STAB2: variants seen among roughly 807,000 people sequenced by gnomAD.
STAB2 encodes the protein stabilin 2.
STAB2 carries 288 observed loss-of-function variants against 338.1 expected under a neutral mutation model. The observed-to-expected ratio is 0.85, with a 90% CI of 0.77 to 0.94. STAB2 has a LOEUF of 0.94. STAB2 is among the 40% of genes least tolerant of loss of function. The probability of loss-of-function intolerance (pLI) is 0.00; values close to 1 mark genes in which losing one functional copy is unlikely to be tolerated. For synonymous variants in STAB2, 1,202 were observed against 1,193.3 expected (o/e 1.01, Z -0.15); for missense variants, 3,141 against 3,210.1 (o/e 0.98, Z 0.52).
chr12:103,588,771 G>A (rs538263829), intron 1 of STAB2, among the ~76,000 whole-genome samples: 1 of 152,258 alleles, frequency 6.6e-6, no homozygotes, highest in South Asian at 2.1e-4. Flanking sequence ...AAACCCTCAT[G>A]TAAAGAAAAG....
chr12:103,733,192 T>G lies in STAB2; in HGVS notation c.5460+10T>G. 1 of 1,613,278 alleles carries G rather than the reference T, an allele frequency of 6.2e-7. No individual in the cohort carries two copies. Among genetic ancestry groups the G allele is most frequent in the Non-Finnish European group, 8.5e-7 (1 of 1,179,532 alleles). On this transcript the variant is annotated intron_variant, in intron 51 of 68. Coordinates refer to ENST00000388887, the MANE Select transcript of STAB2 (RefSeq NM_017564.10). Reference sequence around the variant, plus strand: ...GATACGAGATGCCAAGGTATTTAGTTTACATGCAGACATAAGTGCAAGAAT... The same window carrying G: ...GATACGAGATGCCAAGGTATTTAGTGTACATGCAGACATAAGTGCAAGAAT...
intron 52 of STAB2, among the ~76,000 whole-genome samples, chr12:103,736,685 C>A (rs1169322388): frequency 6.6e-6 from 1 of 151,962 alleles, no homozygotes; most frequent in Admixed American, 6.6e-5. Flanking sequence ...ACTCTATTTA[C>A]CTGGTGAAAA....
At chr12:103,652,783 G>T in intron 12 of STAB2, 78 bp downstream of exon 12, 1 of 1,407,550 alleles carries the variant, frequency 7.1e-7, no homozygotes, top group Non-Finnish European at 9.3e-7. Context: ...CTCTCTTTTT[G>T]TTTGGGGTTT....
intron 24 of STAB2, among the ~76,000 whole-genome samples, chr12:103,676,894 A>C (rs1876426499): frequency 1.3e-5 from 2 of 152,128 alleles, no homozygotes; most frequent in Non-Finnish European, 2.9e-5. Flanking sequence ...TCTAGATGAA[A>C]CCACCTGACC....
chr12:103,612,352 A>G (rs928270425), intron 3 of STAB2, among the ~76,000 whole-genome samples: 3 of 152,214 alleles, frequency 2.0e-5, no homozygotes, highest in African/African-American at 7.2e-5. Flanking sequence ...CTTTTCACAT[A>G]GTCCCATATT....
Position 103,715,864 on chromosome 12 carries a change from G to T in STAB2, c.4587G>T (p.Glu1529Asp), listed in dbSNP as rs370232499. The T allele has an allele frequency of 1.2e-6, 2 of 1,613,978 alleles. No homozygotes were observed. The highest frequency in any genetic ancestry group is 1.7e-6 in the Non-Finnish European group (2 of 1,179,974). The change falls in exon 43 of 69, where the codon GAG becomes GAT. Residue 1529 changes from glutamate (E) to aspartate (D), a missense_variant. Transcript: ENST00000388887. The stretch of plus-strand genomic sequence containing the variant: ...ATGGTGGCTGTGACAAGAATGCGGA[G>T]TGCACACAGACAGGACCCAACCAGG... ...ENHGGCDKNA[E>D]CTQTGPNQAA...
rs1387431430 is a variant in STAB2 at position 103,676,148 on chromosome 12, G to A, written c.2646+127G>A. 15 of 559,722 alleles carry A rather than the reference G, an allele frequency of 2.7e-5. No individual in the cohort carries two copies. The South Asian group carries it at 2.7e-4, about 10-fold the overall frequency. 34.7% of individuals were successfully genotyped at this position (559,722 alleles called of 1,614,324 possible). Reference sequence around the variant, plus strand: ...ACAATCTTGGCTCACTGCAACATCCGCCTCCCGGATTCAAGCGATTCTCCT... The same window carrying A: ...ACAATCTTGGCTCACTGCAACATCCACCTCCCGGATTCAAGCGATTCTCCT... On this transcript the variant is annotated intron_variant, in intron 24 of 68. Transcript: ENST00000388887.
At chr12:103,640,339 G>A (rs1872829036) in intron 9 of STAB2, 83 bp downstream of exon 9, 2 of 1,541,688 alleles carry the variant, frequency 1.3e-6, no homozygotes, top group Admixed American at 1.8e-5. Context: ...TTGAAGGGGA[G>A]GAAATGTGTC....
At chr12:103,652,861 G>A (rs1050708156) in intron 12 of STAB2, among the ~76,000 whole-genome samples, 156 bp downstream of exon 12, 1 of 152,192 alleles carries the variant, frequency 6.6e-6, no homozygotes, top group Non-Finnish European at 1.5e-5. Context: ...GGAAGAAACA[G>A]ACAGCAACAC....
At position 103,740,742 on chromosome 12, in the gene STAB2, G is replaced by A; in HGVS notation, c.5867G>A (p.Gly1956Glu). 1 of 1,586,834 alleles carries A rather than the reference G, an allele frequency of 6.3e-7. No homozygotes were observed. Among genetic ancestry groups the A allele is most frequent in the East Asian group, 2.3e-5 (1 of 43,420 alleles). ...CCCAGGTGCTGCAAGGGCTACTTCG[G>A]GCGAGACTGTCAGGGTGAGGGTGCC... ...QIPRCCKGYF[G>E]RDCQACPGGP... is the part of the protein sequence containing the mutation. The change falls in exon 55 of 69, where the codon GGG becomes GAG. Residue 1956 changes from glycine to glutamate, a missense_variant. Gly to Glu is a moderately conservative substitution (Grantham distance 98). Coordinates refer to ENST00000388887, the MANE Select transcript of STAB2 (RefSeq NM_017564.10).
At chr12:103,705,586 AC>A in intron 36 of STAB2, 45 bp from the exon 37 acceptor site, 1 of 1,580,930 alleles carries the variant, frequency 6.3e-7, no homozygotes, top group Non-Finnish European at 8.7e-7. Flanking sequence ...AGACTGGAAA[AC>A]TTTTTCCTAA....
intron 3 of STAB2, among the ~76,000 whole-genome samples, chr12:103,612,316 G>A (rs1265986102): frequency 6.6e-6 from 1 of 152,176 alleles, no homozygotes; most frequent in East Asian, 1.9e-4. Context: ...TCACTTTCAG[G>A]TACACCAATC....
At chr12:103,676,315 C>G (rs1053178461) in intron 24 of STAB2, among the ~76,000 whole-genome samples, 1 of 151,806 alleles carries the variant, frequency 6.6e-6, no homozygotes, top group African/African-American at 2.4e-5. Flanking sequence ...CCTTGGCCTC[C>G]CAAAGTGCTA....
At chr12:103,592,022 T>A (rs1956806239) in intron 2 of STAB2, 1 of 152,224 alleles carries the variant, frequency 6.6e-6, no homozygotes, top group Admixed American at 6.5e-5. Flanking sequence ...ATTTGCTTAA[T>A]GTGACCACAC....
intron 17 of STAB2, among the ~76,000 whole-genome samples, chr12:103,661,828 G>T (rs932818682): frequency 3.3e-5 from 5 of 152,178 alleles, no homozygotes; most frequent in African/African-American, 1.2e-4. Flanking sequence ...AGGCCAGTGT[G>T]GCTAGAGCAG....
At chr12:103,589,265 G>T (rs759117048) in intron 1 of STAB2, among the ~76,000 whole-genome samples, 2 of 152,164 alleles carry the variant, frequency 1.3e-5, no homozygotes, top group African/African-American at 2.4e-5. Context: ...TATTAGGCCC[G>T]TGGATGAGCT....
In STAB2 at chr12:103,620,518, G is replaced by A; in HGVS notation, c.382G>A (p.Glu128Lys). The change falls in exon 4 of 69, where the codon GAA becomes AAA. Residue 128 changes from glutamate (E) to lysine (K), a missense_variant. By Grantham distance (56) the Glu-to-Lys change is moderately conservative. Coordinates refer to ENST00000388887, the MANE Select transcript of STAB2 (RefSeq NM_017564.10). ...SPCNGRGSCA[E>K]GMEGNGTCSC... ...CTGCAATGGCAGAGGCAGTTGTGCTGAAGGCATGGAAGGAAATGGAACCTG... is the reference window on the plus strand; with the variant it reads ...CTGCAATGGCAGAGGCAGTTGTGCTAAAGGCATGGAAGGAAATGGAACCTG... 1 of 1,579,540 alleles carries A rather than the reference G, an allele frequency of 6.3e-7. No individual in the cohort carries two copies. The highest frequency in any genetic ancestry group is 8.6e-7 in the Non-Finnish European group (1 of 1,161,190).
At chr12:103,718,625 G>A (rs564848305) in intron 44 of STAB2, among the ~76,000 whole-genome samples, 11 of 152,276 alleles carry the variant, frequency 7.2e-5, no homozygotes, top group African/African-American at 9.6e-5. Context: ...TAGGACCAGC[G>A]GATGGACATT....
At chr12:103,749,402 T>A (rs1369653893) in intron 59 of STAB2, among the ~76,000 whole-genome samples, 6 of 152,184 alleles carry the variant, frequency 3.9e-5, no homozygotes, top group Non-Finnish European at 8.8e-5. Flanking sequence ...TGTACCAACA[T>A]TAATTTCTTA....
Sources: gnomAD v4.1 joint callset for allele counts (sites outside exome capture counted in the v4.1 genomes callset) on GRCh38, gnomAD v4.1.1 for gene constraint, MANE v1.5 for transcripts, NCBI Gene and HGNC (gene_info 2026-07-23, HGNC 2026-07-21) for gene names.